APAF1: variants seen among roughly 807,000 people sequenced by gnomAD.
APAF1 encodes the protein apoptotic peptidase activating factor 1, also known as apoptotic protease-activating factor 1.
In APAF1, 91 loss-of-function variants were observed where a neutral mutation model predicts 152.4. The ratio of observed to expected loss-of-function variants is 0.60; its 90% CI spans 0.50 to 0.71. APAF1 has a LOEUF of 0.71. Ranked by LOEUF, APAF1 falls within the 30% of genes least tolerant of loss-of-function variation. APAF1 has a pLI of 0.00. For synonymous variants in APAF1, 484 were observed against 494.1 expected (o/e 0.98, Z 0.27); for missense variants, 1,283 against 1,472.0 (o/e 0.87, Z 2.10).
chr12:98,723,184 G>T lies in APAF1; in HGVS notation c.3085-9G>T. The T allele has an allele frequency of 6.2e-7, 1 of 1,612,616 alleles. No individual in the cohort carries two copies. Among genetic ancestry groups the T allele is most frequent in the South Asian group, 1.1e-5 (1 of 90,970 alleles). On this transcript the variant is annotated splice_polypyrimidine_tract_variant and intron_variant, in intron 22 of 26. Coordinates refer to ENST00000551964, the MANE Select transcript of APAF1 (RefSeq NM_181861.2). ...AGGATTATAACAGACTTATTTCTTTGATATTCAGGTATGGAATTGGCAATT... is the reference window on the plus strand; with the variant it reads ...AGGATTATAACAGACTTATTTCTTTTATATTCAGGTATGGAATTGGCAATT...
At chr12:98,723,353 C>T in intron 23 of APAF1, 41 bp downstream of exon 23, 1 of 1,585,262 alleles carries the variant, frequency 6.3e-7, no homozygotes, top group South Asian at 1.1e-5. Context: ...AAAGTATTCT[C>T]ATATTGCAAT....
intron 14 of APAF1, among the ~76,000 whole-genome samples, chr12:98,682,833 C>T (rs992221354): frequency 1.3e-5 from 2 of 152,174 alleles, no homozygotes; most frequent in African/African-American, 4.8e-5. Context: ...CTCTTTAAAG[C>T]ACTTCTCTGC....
chr12:98,680,771 A>G (rs895008655), intron 14 of APAF1, among the ~76,000 whole-genome samples: 4 of 152,196 alleles, frequency 2.6e-5, no homozygotes, highest in Non-Finnish European at 4.4e-5. Flanking sequence ...TCACCTCAGG[A>G]TTAAACAAGC....
chr12:98,686,626 A>G, intron 15 of APAF1, 122 bp from the exon 16 acceptor site: 2 of 978,094 alleles, frequency 2.0e-6, no homozygotes, highest in East Asian at 5.3e-5. Flanking sequence ...TGTTACTGTG[A>G]ATTAAACATC....
chr12:98,725,578 G>A, intron 25 of APAF1, 38 bp downstream of exon 25: 1 of 1,613,682 alleles, frequency 6.2e-7, no homozygotes, highest in Non-Finnish European at 8.5e-7. Flanking sequence ...TGCTCTTCTT[G>A]TAGCTTGGGC....
chr12:98,702,024 T>C (rs2097715966), intron 17 of APAF1, among the ~76,000 whole-genome samples: 1 of 152,228 alleles, frequency 6.6e-6, no homozygotes, highest in South Asian at 2.1e-4. Context: ...GGCGCTACGC[T>C]GCCTACCATA....
rs74619561 is a variant in APAF1 at position 98,645,405 on chromosome 12, G to A, written c.-472G>A. 0.032 allele frequency: 4,832 copies of A among 152,366 alleles called. 167 individuals are homozygous for A. The highest frequency in any genetic ancestry group is 0.13 in the East Asian group (644 of 5,130). The allele number at this position is 152,366 out of a possible 1,614,324, so 9.4% of individuals were successfully genotyped here. On this transcript the variant is annotated 5_prime_UTR_variant, in exon 1 of 27. Coordinates refer to ENST00000551964, the MANE Select transcript of APAF1 (RefSeq NM_181861.2). Reference sequence around the variant, plus strand: ...GCGACCCGCGAAGACTTGAGGTGCCGCAGCGGCATCCGGAGTAGCGCCGGG... The same window carrying A: ...GCGACCCGCGAAGACTTGAGGTGCCACAGCGGCATCCGGAGTAGCGCCGGG...
At chr12:98,652,468 G>A (rs2153307042) in intron 4 of APAF1, among the ~76,000 whole-genome samples, 1 of 152,082 alleles carries the variant, frequency 6.6e-6, no homozygotes, top group Non-Finnish European at 1.5e-5. Context: ...TTCTTCATAA[G>A]CTTGTTGTTA....
chr12:98,721,630 C>T (rs2097742966), intron 22 of APAF1, among the ~76,000 whole-genome samples: 1 of 152,176 alleles, frequency 6.6e-6, no homozygotes, highest in Admixed American at 6.5e-5. Flanking sequence ...CTAATTCATT[C>T]TCTTTAGAAT....
intron 12 of APAF1, 30 bp downstream of exon 12, chr12:98,671,749 A>C (rs576369294): frequency 1.3e-6 from 2 of 1,595,568 alleles, no homozygotes; most frequent in Admixed American, 1.7e-5. Flanking sequence ...AACCAAAGGG[A>C]GTGGTGCGCT....
At chr12:98,663,286 A>G (rs1012556557) in intron 7 of APAF1, among the ~76,000 whole-genome samples, 5 of 152,166 alleles carry the variant, frequency 3.3e-5, no homozygotes, top group African/African-American at 4.8e-5. Context: ...CTTTTTTGAT[A>G]TAAGTATTTT....
chr12:98,687,491 G>T, intron 16 of APAF1, among the ~76,000 whole-genome samples: 1 of 151,444 alleles, frequency 6.6e-6, no homozygotes, highest in South Asian at 2.1e-4. Flanking sequence ...AGTTTATTTT[G>T]TGCTTCTATA....
chr12:98,659,752 G>GAAAAAA (rs34536171), intron 5 of APAF1, among the ~76,000 whole-genome samples: 4 of 89,860 alleles, frequency 4.5e-5, no homozygotes, highest in South Asian at 4.4e-4. Context: ...AACTCCATCA[G>GAAAAAA]AAAAAAAAAA....
intron 12 of APAF1, among the ~76,000 whole-genome samples, chr12:98,675,938 G>C (rs888699279): frequency 6.6e-6 from 1 of 152,106 alleles, no homozygotes; most frequent in Non-Finnish European, 1.5e-5. Context: ...TTATGTGTCG[G>C]GTGCTGTTTA....
rs1472467062 is a variant in APAF1, at chr12:98,683,128, C to A, written c.2047-15C>A. ...AATAATGGATATTTGTAAATTTTTT[C>A]TCTTTTCTCTTTAGATTTGGAATTC... On this transcript the variant is annotated splice_polypyrimidine_tract_variant and intron_variant, in intron 14 of 26. Transcript: ENST00000551964. The A allele has an allele frequency of 2.5e-6, 4 of 1,607,668 alleles. No homozygotes were observed. The highest frequency in any genetic ancestry group is 3.4e-6 in the Non-Finnish European group (4 of 1,175,684).
intron 4 of APAF1, among the ~76,000 whole-genome samples, chr12:98,652,626 T>C (rs2097650332): frequency 1.3e-5 from 2 of 151,966 alleles, no homozygotes; most frequent in South Asian, 4.1e-4. Flanking sequence ...TTTTATTTTA[T>C]TTTATTTTAT....
chr12:98,671,515 A>C lies in APAF1; in HGVS notation c.1609-20A>C, dbSNP rs200776393. On this transcript the variant is annotated intron_variant, in intron 11 of 26. Coordinates refer to ENST00000551964, the MANE Select transcript of APAF1 (RefSeq NM_181861.2). ...TCGTGGCTCTGATTGTGTTTCTAAG[A>C]GATTTCAGTTTATTTGTAGGATTGT... 3.7e-6 allele frequency: 6 copies of C among 1,610,622 alleles called. No homozygotes were observed. The East Asian group carries it at 1.3e-4, about 36-fold the overall frequency.
chr12:98,722,360 C>T (rs1032819624), intron 22 of APAF1, among the ~76,000 whole-genome samples: 3 of 152,144 alleles, frequency 2.0e-5, no homozygotes, highest in African/African-American at 7.2e-5. Flanking sequence ...TTGCTAAACT[C>T]TTAAGTTTCT....
intron 7 of APAF1, among the ~76,000 whole-genome samples, chr12:98,665,279 T>TATATATATATATATATA (rs1491328899): frequency 2.1e-4 from 14 of 65,560 alleles, no homozygotes; most frequent in Non-Finnish European, 3.2e-4. Flanking sequence ...TATATATATA[T>TATATATATATATATATA]TTTTTTTTTT....
Sources: allele counts gnomAD v4.1 joint callset (sites outside exome capture counted in the v4.1 genomes callset), GRCh38; gene constraint gnomAD v4.1.1; transcripts MANE v1.5; gene names NCBI Gene and HGNC (gene_info 2026-07-23, HGNC 2026-07-21).